The following ZNF462 variants were observed in gnomAD, a reference collection of about 807,000 sequenced individuals.
ZNF462 encodes zinc finger PBX1-interacting protein.
Under a neutral mutation model 201.9 loss-of-function variants are expected in ZNF462, and 10 were observed. The ratio of observed to expected loss-of-function variants is 0.05; its 90% CI spans 0.03 to 0.08. The LOEUF is 0.08. ZNF462 is among the 10% of genes least tolerant of loss of function. The pLI, the probability that ZNF462 is intolerant of heterozygous loss-of-function variation, is 1.00. For synonymous variants in ZNF462, 1,227 were observed against 1,193.3 expected (o/e 1.03, Z -0.58); for missense variants, 2,523 against 3,168.3 (o/e 0.80, Z 4.89).
In ZNF462 at chr9:106,938,838, T is replaced by C; in HGVS notation, c.6236-78T>C. 1 of 1,421,500 alleles carries C rather than the reference T, an allele frequency of 7.0e-7. No homozygotes were observed. Among genetic ancestry groups the C allele is most frequent in the South Asian group, 1.4e-5 (1 of 68,986 alleles). The allele number at this position is 1,421,500 out of a possible 1,614,324, so 88.1% of individuals were successfully genotyped here. A position where few individuals can be genotyped will look rare whatever the true frequency, so the allele number is the denominator to read the frequency against. ...GCTTCTCTAGCATGAGTTAACTGAG[T>C]TATCTTGTTTCCACCCTGGCCTTAT... On this transcript the variant is annotated intron_variant, in intron 6 of 12. Coordinates refer to ENST00000277225, the MANE Select transcript of ZNF462 (RefSeq NM_021224.6). This position sits in a 1 kb window ranked among gnomAD's most constrained non-coding sequence, Gnocchi z 4.4.
chr9:106,977,856 A>T lies in ZNF462; in HGVS notation c.6832+3583A>T, dbSNP rs184148342. ...GTGACCACCAAATGTGTAGATTAAA[A>T]CAATAGAAATGTATTCTCTCACAGT... On this transcript the variant is annotated intron_variant, in intron 9 of 12. Transcript: ENST00000277225. The surrounding 1 kb of genome is among the most constrained non-coding windows in gnomAD (Gnocchi z 4.6). Among the ~76,000 whole-genome samples, 408 of 151,424 alleles carry T rather than the reference A, an allele frequency of 2.7e-3. 7 individuals are homozygous for T. The highest frequency in any genetic ancestry group is 0.025 in the Admixed American group (380 of 15,254).
chr9:106,916,405 A>T (rs1308211961), intron 1 of ZNF462, among the ~76,000 whole-genome samples: 1 of 152,178 alleles, frequency 6.6e-6, no homozygotes, highest in Non-Finnish European at 1.5e-5. Context: ...TCAGTTCTGT[A>T]ATGAAGACCC....
In ZNF462 at chr9:106,968,463, C is replaced by T. The variant is rs778313728; in HGVS notation, c.6428-3542C>T. ...TAACTACAATTATACATTATAATTTCATTTCTAAAACTTCACATATAATTA... is the reference window on the plus strand; with the variant it reads ...TAACTACAATTATACATTATAATTTTATTTCTAAAACTTCACATATAATTA... On this transcript the variant is annotated intron_variant, in intron 7 of 12. Coordinates refer to ENST00000277225, the MANE Select transcript of ZNF462 (RefSeq NM_021224.6). The surrounding 1 kb of genome is among the most constrained non-coding windows in gnomAD (Gnocchi z 4.0). Among the ~76,000 whole-genome samples the T allele has an allele frequency of 6.6e-6, 1 of 152,118 alleles. No individual in the cohort carries two copies. Among genetic ancestry groups the T allele is most frequent in the African/African-American group, 2.4e-5 (1 of 41,432 alleles).
chr9:106,999,341 A>G lies in ZNF462; in HGVS notation c.7057-3953A>G, dbSNP rs568730824. On this transcript the variant is annotated intron_variant, in intron 10 of 12. Coordinates refer to ENST00000277225, the MANE Select transcript of ZNF462 (RefSeq NM_021224.6). ...ATATATGGGAACTTTTATAAAGTCTATACCCTTTGACTTTGACCCTGTAAT... is the reference window on the plus strand; with the variant it reads ...ATATATGGGAACTTTTATAAAGTCTGTACCCTTTGACTTTGACCCTGTAAT... Among the ~76,000 whole-genome samples, 9 of 152,320 alleles carry G rather than the reference A, an allele frequency of 5.9e-5. No homozygotes were observed. The East Asian group carries it at 1.5e-3, about 26-fold the overall frequency.
chr9:106,882,973 A>T (rs1156617975), intron 1 of ZNF462, among the ~76,000 whole-genome samples: 1 of 152,234 alleles, frequency 6.6e-6, no homozygotes, highest in African/African-American at 2.4e-5. Context: ...CGGAACCAGG[A>T]TGATAGTCAT....
chr9:106,967,296 A>G (rs188360657), intron 7 of ZNF462, among the ~76,000 whole-genome samples: 3 of 152,218 alleles, frequency 2.0e-5, no homozygotes, highest in East Asian at 3.9e-4. Flanking sequence ...GTGACCTGGC[A>G]CTAGCACAAT....
In ZNF462 at chr9:106,950,172, G is replaced by A. The variant is rs1213061916; in HGVS notation, c.6427+11065G>A. On this transcript the variant is annotated intron_variant, in intron 7 of 12. Coordinates refer to ENST00000277225, the MANE Select transcript of ZNF462 (RefSeq NM_021224.6). This position sits in a 1 kb window ranked among gnomAD's most constrained non-coding sequence, Gnocchi z 4.1. ...TTCTAACCTCCATCTTTTCCAATCT[G>A]TTTTCCAGGATATCTTTGTTAATCA... 6.6e-6 allele frequency among the ~76,000 whole-genome samples: 1 copy of A among 152,072 alleles called. No individual in the cohort carries two copies. Among genetic ancestry groups the A allele is most frequent in the Non-Finnish European group, 1.5e-5 (1 of 68,022 alleles).
At chr9:106,961,041 C>G (rs764462175) in intron 7 of ZNF462, among the ~76,000 whole-genome samples, 1 of 152,038 alleles carries the variant, frequency 6.6e-6, no homozygotes, top group Non-Finnish European at 1.5e-5. Flanking sequence ...TCCATGAATA[C>G]CTTCTCACAG....
rs1039446147 is a variant in ZNF462, at chr9:106,953,740, C to T, written c.6427+14633C>T. Reference sequence around the variant, plus strand: ...TAACCTCTCATGTTAAGTCTGAGACCCTCTGTTCTAACTGCTCCCTACCTT... The same window carrying T: ...TAACCTCTCATGTTAAGTCTGAGACTCTCTGTTCTAACTGCTCCCTACCTT... On this transcript the variant is annotated intron_variant, in intron 7 of 12. Coordinates refer to ENST00000277225, the MANE Select transcript of ZNF462 (RefSeq NM_021224.6). Among the ~76,000 whole-genome samples the T allele has an allele frequency of 4.3e-4, 66 of 152,118 alleles. 2 individuals are homozygous for T. The highest frequency in any genetic ancestry group is 3.9e-4 in the East Asian group (2 of 5,162).
At chr9:106,980,858 C>T (rs1166127157) in intron 9 of ZNF462, among the ~76,000 whole-genome samples, 2 of 152,078 alleles carry the variant, frequency 1.3e-5, no homozygotes, top group Non-Finnish European at 2.9e-5. Context: ...TCAAAAAGAC[C>T]CACAGTTGTC....
chr9:106,888,415 C>T (rs929940892), intron 1 of ZNF462, among the ~76,000 whole-genome samples: 1 of 152,184 alleles, frequency 6.6e-6, no homozygotes, highest in African/African-American at 2.4e-5. Context: ...ATACTTTGCC[C>T]TGAATAGGGT....
At chr9:106,991,790 A>G (rs922787557) in intron 10 of ZNF462, among the ~76,000 whole-genome samples, 3 of 151,022 alleles carry the variant, frequency 2.0e-5, no homozygotes, top group African/African-American at 7.3e-5. Flanking sequence ...TGCTGAAACA[A>G]TTAGATTTGT....
intron 7 of ZNF462, among the ~76,000 whole-genome samples, chr9:106,957,961 T>C (rs1193884345): frequency 1.3e-5 from 2 of 152,124 alleles, no homozygotes; most frequent in Admixed American, 1.3e-4. Context: ...TTCCTTCCCA[T>C]AGGTAGAGCC....
chr9:106,892,702 A>ACG (rs968789851), intron 1 of ZNF462, among the ~76,000 whole-genome samples: 1 of 127,218 alleles, frequency 7.9e-6, no homozygotes, highest in African/African-American at 4.0e-5. Context: ...GCACACACAC[A>ACG]CGCACACACA....
intron 7 of ZNF462, among the ~76,000 whole-genome samples, chr9:106,942,780 G>A (rs558734685): frequency 2.4e-4 from 36 of 152,294 alleles, no homozygotes; most frequent in Non-Finnish European, 4.3e-4. Context: ...TTTTAGGTCT[G>A]AGAAGCTACA....
Position 106,962,879 on chromosome 9 carries a change from A to G in ZNF462, c.6428-9126A>G, listed in dbSNP as rs770099138. Reference sequence around the variant, plus strand: ...TATCATAATCTTGTGCGTCCAGGCCAGAGAGCTCCACTGATGACAGTAGAC... The same window carrying G: ...TATCATAATCTTGTGCGTCCAGGCCGGAGAGCTCCACTGATGACAGTAGAC... On this transcript the variant is annotated intron_variant, in intron 7 of 12. Transcript: ENST00000277225. The surrounding 1 kb of genome is among the most constrained non-coding windows in gnomAD (Gnocchi z 4.6). 6.6e-6 allele frequency among the ~76,000 whole-genome samples: 1 copy of G among 152,004 alleles called. No individual in the cohort carries two copies. Among genetic ancestry groups the G allele is most frequent in the Non-Finnish European group, 1.5e-5 (1 of 67,980 alleles).
rs764775098 is a variant in ZNF462 at position 107,010,936 on chromosome 9, G to A, written c.7427G>A (p.Gly2476Glu). The change falls in exon 13 of 13, where the codon GGG becomes GAG. Residue 2476 changes from glycine to glutamate, a missense_variant. Gly to Glu is a moderately conservative substitution (Grantham distance 98, BLOSUM62 -2). Coordinates refer to ENST00000277225, the MANE Select transcript of ZNF462 (RefSeq NM_021224.6). This position sits in a 1 kb window ranked among gnomAD's most constrained non-coding sequence, Gnocchi z 4.6. ...IEEKEDDEAI[G>E]IDFSLKNETV... ...GAAAAGGAAGATGACGAGGCCATTG[G>A]GATAGACTTTTCCCTAAAGAATGAA... is the stretch of plus-strand genomic sequence containing the variant. 4 of 1,613,542 alleles carry A rather than the reference G, an allele frequency of 2.5e-6. No individual in the cohort carries two copies. Among genetic ancestry groups the A allele is most frequent in the East Asian group, 2.2e-5 (1 of 44,782 alleles).
Position 106,963,321 on chromosome 9 carries a change from A to G in ZNF462, c.6428-8684A>G, listed in dbSNP as rs1831924244. Among the ~76,000 whole-genome samples the G allele has an allele frequency of 6.6e-6, 1 of 152,090 alleles. No individual in the cohort carries two copies. The highest frequency in any genetic ancestry group is 2.1e-4 in the South Asian group (1 of 4,824). On this transcript the variant is annotated intron_variant, in intron 7 of 12. Coordinates refer to ENST00000277225, the MANE Select transcript of ZNF462 (RefSeq NM_021224.6). The surrounding 1 kb of genome is among the most constrained non-coding windows in gnomAD (Gnocchi z 4.7). The stretch of plus-strand genomic sequence containing the variant: ...TCATCTTGATAGCTCTGTGTTACAC[A>G]CTGTTTTAATAACTTAAAACAATAT...
In ZNF462 at chr9:106,993,509, A is replaced by G. The variant is rs986640058; in HGVS notation, c.7056+9100A>G. On this transcript the variant is annotated intron_variant, in intron 10 of 12. Coordinates refer to ENST00000277225, the MANE Select transcript of ZNF462 (RefSeq NM_021224.6). The surrounding 1 kb of genome is among the most constrained non-coding windows in gnomAD (Gnocchi z 4.0). ...TCTTAGGATCTAAAGGAAACAGTGC[A>G]GGTTATTTGAAATTTTATTTTTTTA... 6.6e-6 allele frequency among the ~76,000 whole-genome samples: 1 copy of G among 152,052 alleles called. No individual in the cohort carries two copies. Among genetic ancestry groups the G allele is most frequent in the African/African-American group, 2.4e-5 (1 of 41,432 alleles).
Sources: allele counts gnomAD v4.1 joint callset (sites outside exome capture counted in the v4.1 genomes callset), GRCh38; gene constraint gnomAD v4.1.1; non-coding constraint Gnocchi (gnomAD v3.1); transcripts MANE v1.5; gene names NCBI Gene and HGNC (gene_info 2026-07-23, HGNC 2026-07-21).